Variants in SNTB2 observed in about 807,000 individuals in gnomAD.
SNTB2 encodes the protein syntrophin beta 2.
In SNTB2, 34 loss-of-function variants were observed where a neutral mutation model predicts 46.2. The observed-to-expected ratio is 0.74, with a 90% CI of 0.56 to 0.98. The LOEUF (loss-of-function observed/expected upper bound fraction) is 0.98. Among genes scored for constraint, SNTB2 ranks in the 50% least tolerant of loss-of-function variants. The pLI is 0.00. For synonymous variants in SNTB2, 290 were observed against 312.6 expected (o/e 0.93, Z 0.76); for missense variants, 603 against 731.4 (o/e 0.82, Z 2.02).
intron 1 of SNTB2, among the ~76,000 whole-genome samples, chr16:69,212,255 T>G (rs1269332578): frequency 6.6e-6 from 1 of 152,158 alleles, no homozygotes; most frequent in East Asian, 1.9e-4. Context: ...GATCAAGGTG[T>G]CCTATGTGAA....
At chr16:69,291,309 G>T (rs1409653258) in intron 5 of SNTB2, among the ~76,000 whole-genome samples, 1 of 152,166 alleles carries the variant, frequency 6.6e-6, no homozygotes, top group East Asian at 1.9e-4. Context: ...GGAAACACTA[G>T]ATAGGGCCCC....
chr16:69,245,187 TTTTG>T (rs537558869), intron 1 of SNTB2, among the ~76,000 whole-genome samples: 39 of 152,140 alleles, frequency 2.6e-4, no homozygotes, highest in Admixed American at 1.0e-3. Context: ...TTCCCCCATT[TTTTG>T]TTTGTTTGTT....
rs1038707933 is a variant in SNTB2 at position 69,256,011 on chromosome 16, C to T, written c.795-4039C>T. 3.4e-4 allele frequency among the ~76,000 whole-genome samples: 52 copies of T among 151,912 alleles called. 1 individual carries two copies. The highest frequency in any genetic ancestry group is 1.0e-3 in the African/African-American group (42 of 41,452). On this transcript the variant is annotated intron_variant, in intron 2 of 6. Transcript: ENST00000336278. ...GACCAGCCTGGCCAACATAGTGAAA[C>T]CCCGTCTCTACTAAAAGTACAAAAA...
At chr16:69,191,877 G>A (rs534182200) in intron 1 of SNTB2, among the ~76,000 whole-genome samples, 6 of 152,112 alleles carry the variant, frequency 3.9e-5, no homozygotes, top group African/African-American at 7.2e-5. Context: ...TCCTGACCTC[G>A]TGATCTGCCT....
intron 4 of SNTB2, among the ~76,000 whole-genome samples, chr16:69,270,981 A>C (rs1316130006): frequency 1.3e-5 from 2 of 152,204 alleles, no homozygotes; most frequent in African/African-American, 4.8e-5. Context: ...GCGCCATGGA[A>C]AAGTATTTAG....
intron 5 of SNTB2, among the ~76,000 whole-genome samples, chr16:69,291,630 G>A (rs1965159855): frequency 6.6e-6 from 1 of 152,060 alleles, no homozygotes. Flanking sequence ...AATCACTTGA[G>A]CCCAGGAGTT....
At chr16:69,273,125 C>T (rs1418666658) in intron 4 of SNTB2, among the ~76,000 whole-genome samples, 1 of 152,142 alleles carries the variant, frequency 6.6e-6, no homozygotes, top group Non-Finnish European at 1.5e-5. Context: ...AATCTTCATA[C>T]ACTGCTGGTG....
At chr16:69,289,269 CAAA>C (rs539709680) in intron 5 of SNTB2, among the ~76,000 whole-genome samples, 1 of 76,760 alleles carries the variant, frequency 1.3e-5, no homozygotes, top group Non-Finnish European at 2.6e-5. Context: ...AACTCCGTCT[CAAA>C]AAAAAAAAAA....
At chr16:69,299,507 A>G (rs1965259436) in intron 5 of SNTB2, 83 bp from the exon 6 acceptor site, 5 of 1,341,466 alleles carry the variant, frequency 3.7e-6, no homozygotes, top group East Asian at 2.3e-5. Context: ...TATTTTTCCT[A>G]TTTTGAAGTC....
intron 2 of SNTB2, among the ~76,000 whole-genome samples, chr16:69,250,237 C>CA (rs1964713383): frequency 6.6e-6 from 1 of 152,030 alleles, no homozygotes; most frequent in South Asian, 2.1e-4. Context: ...AAGGAGTTTG[C>CA]AAAAAATATG....
At chr16:69,235,748 G>T (rs750818629) in intron 1 of SNTB2, 1 of 1,289,250 alleles carries the variant, frequency 7.8e-7, no homozygotes, top group African/African-American at 1.5e-5. Context: ...CTGCTTTCAG[G>T]CCTATAATGA....
intron 1 of SNTB2, among the ~76,000 whole-genome samples, chr16:69,238,003 G>T (rs186640713): frequency 6.6e-6 from 1 of 151,992 alleles, no homozygotes; most frequent in African/African-American, 2.4e-5. Context: ...TTTCTCTTCC[G>T]TACTCACTTC....
At position 69,284,186 on chromosome 16, in the gene SNTB2, C is replaced by G. The variant is rs1965077938; in HGVS notation, c.1287C>G (p.Thr429=). ...CACATCGGGATCTGTCATCCTGGAC[C>G]AGGATACTTGTTCAGGGTTGCCATG... ...VETHRDLSSW[T]RILVQGCHAA... The change falls in exon 5 of 7, where the codon ACC becomes ACG. Residue 429 remains threonine (T), a synonymous_variant. Coordinates refer to ENST00000336278, the MANE Select transcript of SNTB2 (RefSeq NM_006750.4). 2 of 1,613,850 alleles carry G rather than the reference C, an allele frequency of 1.2e-6. No individual in the cohort carries two copies. Among genetic ancestry groups the G allele is most frequent in the African/African-American group, 1.3e-5 (1 of 74,864 alleles).
At chr16:69,195,703 A>C (rs1964099099) in intron 1 of SNTB2, among the ~76,000 whole-genome samples, 1 of 152,144 alleles carries the variant, frequency 6.6e-6, no homozygotes, top group Admixed American at 6.6e-5. Flanking sequence ...AACCCCTGTA[A>C]GAAAAACTGG....
chr16:69,302,006 C>T lies in SNTB2; in HGVS notation c.*1082C>T, dbSNP rs1490423096. On this transcript the variant is annotated 3_prime_UTR_variant, in exon 7 of 7. Coordinates refer to ENST00000336278, the MANE Select transcript of SNTB2 (RefSeq NM_006750.4). ...GGTGAAGCCAGCAATTCCGCACAAA[C>T]GTCATGTTGAATTGTTTTGGGCTGC... 6.6e-6 allele frequency: 1 copy of T among 152,124 alleles called. No homozygotes were observed. Among genetic ancestry groups the T allele is most frequent in the African/African-American group, 2.4e-5 (1 of 41,414 alleles). The allele number at this position is 152,124 out of a possible 1,614,324, so 9.4% of individuals were successfully genotyped here.
rs1020893965 is a variant in SNTB2 at position 69,234,756 on chromosome 16, G to A, written c.581-10846G>A. 5.0e-4 allele frequency among the ~76,000 whole-genome samples: 75 copies of A among 150,252 alleles called. 1 individual carries two copies. Among genetic ancestry groups the A allele is most frequent in the African/African-American group, 1.7e-3 (68 of 40,600 alleles). On this transcript the variant is annotated intron_variant, in intron 1 of 6. Transcript: ENST00000336278. ...CTCACTCTGTCACCTAGGCTGGAGT[G>A]CAGTGGCATGATCTTGTCTCACTGC...
chr16:69,284,459 T>TGAAAAA lies in SNTB2; in HGVS notation c.1345+215_1345+216insGAAAAA, dbSNP rs1567414678. Among the ~76,000 whole-genome samples the TGAAAAA allele has an allele frequency of 6.5e-5, 3 of 45,908 alleles. 1 individual carries two copies. The highest frequency in any genetic ancestry group is 1.7e-4 in the African/African-American group (2 of 11,782). 30.1% of individuals were successfully genotyped at this position (45,908 alleles called of 152,430 possible). On this transcript the variant is annotated intron_variant, in intron 5 of 6. Transcript: ENST00000336278. ...CAACATGGTGAAACCCCGTCTTTAC[T>TGAAAAA]AAAAAAAAAAAAAAAAAAAAAAAAA...
intron 4 of SNTB2, 115 bp from the exon 5 acceptor site, chr16:69,283,933 T>C: frequency 1.1e-6 from 1 of 936,384 alleles, no homozygotes; most frequent in Non-Finnish European, 1.6e-6. Context: ...GAAATGTCTA[T>C]ATCCAAAAAC....
chr16:69,213,822 CTTTTT>C (rs35759695), intron 1 of SNTB2, among the ~76,000 whole-genome samples: 2 of 91,636 alleles, frequency 2.2e-5, no homozygotes, highest in African/African-American at 4.5e-5. Flanking sequence ...TTTTAGAGTT[CTTTTT>C]TTTTTTTTTT....
Sources: allele counts gnomAD v4.1 joint callset (sites outside exome capture counted in the v4.1 genomes callset), GRCh38; gene constraint gnomAD v4.1.1; transcripts MANE v1.5; gene names NCBI Gene and HGNC (gene_info 2026-07-23, HGNC 2026-07-21).